ACVR1: variants seen among roughly 807,000 people sequenced by gnomAD.
ACVR1 encodes activin receptor type-1.
ACVR1 carries 38 observed loss-of-function variants against 57.1 expected under a neutral mutation model. The ratio of observed to expected loss-of-function variants is 0.67; its 90% CI spans 0.51 to 0.87. ACVR1 has a LOEUF of 0.87. ACVR1 is among the 40% of genes least tolerant of loss of function. The pLI is 0.00. For missense variants in ACVR1, 463 were observed against 638.2 expected (o/e 0.73, Z 2.96); for synonymous variants, 212 against 228.1 (o/e 0.93, Z 0.63).
intron 3 of ACVR1, among the ~76,000 whole-genome samples, chr2:157,788,762 C>A (rs747742665): frequency 6.6e-6 from 1 of 152,032 alleles, no homozygotes; most frequent in Non-Finnish European, 1.5e-5. Flanking sequence ...ACTGTATTTA[C>A]TTTCCATCCT....
intron 1 of ACVR1, among the ~76,000 whole-genome samples, chr2:157,856,393 T>G (rs1439039020): frequency 6.6e-6 from 1 of 152,232 alleles, no homozygotes; most frequent in African/African-American, 2.4e-5. Context: ...TTCTGTATTC[T>G]CTTTCATCAT....
chr2:157,807,088 C>T (rs1163588993), intron 2 of ACVR1: 2 of 151,768 alleles, frequency 1.3e-5, no homozygotes, highest in African/African-American at 4.8e-5. Flanking sequence ...AACAGATGGA[C>T]CCTAGATATG....
intron 5 of ACVR1, among the ~76,000 whole-genome samples, chr2:157,775,726 G>A (rs893836236): frequency 9.9e-5 from 15 of 151,956 alleles, no homozygotes; most frequent in African/African-American, 2.9e-4. Flanking sequence ...ATTCTTTTTC[G>A]AGAAGAATAA....
intron 1 of ACVR1, chr2:157,826,667 GAAAC>G (rs1688364618): frequency 9.4e-6 from 1 of 105,958 alleles, no homozygotes; most frequent in Non-Finnish European, 2.0e-5. Context: ...AAAAAAAAAA[GAAAC>G]AAAAGAAAAG....
intron 9 of ACVR1, among the ~76,000 whole-genome samples, chr2:157,750,702 A>G (rs1463677432): frequency 1.3e-5 from 2 of 152,204 alleles, no homozygotes; most frequent in Non-Finnish European, 2.9e-5. Context: ...ACAAGGAAAC[A>G]TGACACAGTA....
chr2:157,806,965 G>C (rs538722755), intron 2 of ACVR1: 1 of 152,108 alleles, frequency 6.6e-6, no homozygotes, highest in Non-Finnish European at 1.5e-5. Context: ...AAGTCCTATA[G>C]AACTGAAAAC....
intron 9 of ACVR1, among the ~76,000 whole-genome samples, chr2:157,743,592 T>A (rs910886898): frequency 6.6e-6 from 1 of 151,914 alleles, no homozygotes; most frequent in African/African-American, 2.4e-5. Context: ...TTACATTTTA[T>A]AAAGGTAATA....
At chr2:157,740,898 T>G (rs1345318568) in intron 9 of ACVR1, among the ~76,000 whole-genome samples, 2 of 152,230 alleles carry the variant, frequency 1.3e-5, no homozygotes, top group Non-Finnish European at 2.9e-5. Context: ...CTCTTTTTCC[T>G]CAATCATTGG....
chr2:157,809,978 GGAC>G lies in ACVR1; in HGVS notation c.-8+8404_-8+8406del, dbSNP rs1687696791. On this transcript the variant is annotated intron_variant, in intron 2 of 10. Coordinates refer to ENST00000434821, the MANE Select transcript of ACVR1 (RefSeq NM_001111067.4). ...GTAGTCCCAGCTGCTCTGGAGGCTG[GGAC>G]GACAAGATTACTTGAGCCCAGGAGT... Among the ~76,000 whole-genome samples, 3 of 151,968 alleles carry G rather than the reference GGAC, an allele frequency of 2.0e-5. No homozygotes were observed. The South Asian group carries it at 6.2e-4, about 32-fold the overall frequency.
chr2:157,868,536 T>TA (rs1207446317), intron 1 of ACVR1, among the ~76,000 whole-genome samples: 7 of 151,708 alleles, frequency 4.6e-5, no homozygotes, highest in African/African-American at 1.7e-4. Flanking sequence ...GGCCTCTAAA[T>TA]AAAAAACAAG....
At chr2:157,857,039 A>G (rs1409737848) in intron 1 of ACVR1, among the ~76,000 whole-genome samples, 1 of 152,032 alleles carries the variant, frequency 6.6e-6, no homozygotes, top group Non-Finnish European at 1.5e-5. Context: ...CTTCTATAAA[A>G]AATACAAAAA....
At position 157,774,080 on chromosome 2, in the gene ACVR1, A is replaced by G; in HGVS notation, c.643+8T>C. The stretch of plus-strand genomic sequence containing the variant: ...ATTACCCACAAAGAAAGGAAAAAAA[A>G]GAATTACCGACACACTCCAACAGTG... On this transcript the variant is annotated splice_region_variant and intron_variant, in intron 6 of 10. Transcript: ENST00000434821. The G allele has an allele frequency of 6.2e-7, 1 of 1,612,504 alleles. No homozygotes were observed.
At chr2:157,826,125 C>T (rs1197184778) in intron 1 of ACVR1, among the ~76,000 whole-genome samples, 4 of 152,140 alleles carry the variant, frequency 2.6e-5, no homozygotes, top group Non-Finnish European at 4.4e-5. Context: ...TACAAGAGTT[C>T]GCAAGACTGC....
intron 1 of ACVR1, among the ~76,000 whole-genome samples, chr2:157,843,820 A>C (rs1450127913): frequency 3.3e-5 from 5 of 152,236 alleles, no homozygotes; most frequent in Non-Finnish European, 7.3e-5. Flanking sequence ...TAACCATTGA[A>C]TATGAGCCTG....
intron 1 of ACVR1, among the ~76,000 whole-genome samples, chr2:157,830,200 CAA>C (rs898499462): frequency 2.0e-5 from 3 of 152,078 alleles, no homozygotes; most frequent in African/African-American, 7.2e-5. Context: ...GCCTAGGTGA[CAA>C]GAGCAAACTC....
intron 1 of ACVR1, among the ~76,000 whole-genome samples, chr2:157,856,156 G>T (rs1689527391): frequency 6.6e-6 from 1 of 152,030 alleles, no homozygotes; most frequent in Non-Finnish European, 1.5e-5. Context: ...GTGCTATAAT[G>T]TGCTTTTTTC....
chr2:157,748,184 T>C (rs1239355124), intron 9 of ACVR1, among the ~76,000 whole-genome samples: 1 of 152,224 alleles, frequency 6.6e-6, no homozygotes, highest in South Asian at 2.1e-4. Context: ...CTTGGGTTTA[T>C]GCCTGCAACA....
chr2:157,776,706 T>C (rs1686302396), intron 5 of ACVR1, among the ~76,000 whole-genome samples: 1 of 152,174 alleles, frequency 6.6e-6, no homozygotes, highest in Admixed American at 6.5e-5. Flanking sequence ...CACAGGTGGG[T>C]CCTGCAATTG....
intron 9 of ACVR1, among the ~76,000 whole-genome samples, chr2:157,758,700 A>C (rs556888919): frequency 6.6e-6 from 1 of 152,162 alleles, no homozygotes; most frequent in East Asian, 1.9e-4. Flanking sequence ...GACCAAATGG[A>C]CCTAACAGGC....
Sources: allele counts gnomAD v4.1 joint callset (sites outside exome capture counted in the v4.1 genomes callset), GRCh38; gene constraint gnomAD v4.1.1; transcripts MANE v1.5; gene names NCBI Gene and HGNC (gene_info 2026-07-23, HGNC 2026-07-21).